The following IBTK variants were observed in gnomAD, a reference collection of about 807,000 sequenced individuals.
IBTK encodes inhibitor of Bruton tyrosine kinase, also known as BTK-binding protein.
In IBTK, 83 loss-of-function variants were observed where a neutral mutation model predicts 154.9. That is an observed-to-expected ratio of 0.54 (90% confidence interval 0.45 to 0.64). The LOEUF (loss-of-function observed/expected upper bound fraction) is 0.64, where lower values mean the gene tolerates loss of function less well. IBTK is among the 30% of genes least tolerant of loss of function. The pLI, the probability that IBTK is intolerant of heterozygous loss-of-function variation, is 0.00. For synonymous variants in IBTK, 515 were observed against 536.1 expected (o/e 0.96, Z 0.54); for missense variants, 1,332 against 1,584.6 (o/e 0.84, Z 2.71).
At chr6:82,247,162 G>A (rs1291608183) in intron 1 of IBTK, among the ~76,000 whole-genome samples, 1 of 152,164 alleles carries the variant, frequency 6.6e-6, no homozygotes, top group African/African-American at 2.4e-5. Context: ...TCCCCAGGGT[G>A]GACTCAAACT....
intron 3 of IBTK, among the ~76,000 whole-genome samples, chr6:82,232,794 T>C (rs1315101552): frequency 3.3e-5 from 5 of 151,950 alleles, no homozygotes; most frequent in Admixed American, 2.6e-4. Context: ...GGAGGGAGGA[T>C]CACTGGAGTT....
intron 1 of IBTK, among the ~76,000 whole-genome samples, chr6:82,244,881 C>T (rs1474547862): frequency 2.6e-5 from 4 of 151,586 alleles, no homozygotes; most frequent in African/African-American, 9.7e-5. Context: ...TGATGAGGTC[C>T]GTGCTATTTC....
intron 17 of IBTK, among the ~76,000 whole-genome samples, chr6:82,203,703 G>C (rs1242975376): frequency 1.3e-5 from 2 of 152,130 alleles, no homozygotes; most frequent in Non-Finnish European, 1.5e-5. Flanking sequence ...TGTGCAGCCA[G>C]AGCCATGAAA....
intron 16 of IBTK, 30 bp downstream of exon 16, chr6:82,210,784 T>C: frequency 3.2e-6 from 3 of 930,114 alleles, no homozygotes; most frequent in Non-Finnish European, 3.2e-6. Context: ...ATATGTGAAG[T>C]ATCTACAATG....
intron 22 of IBTK, among the ~76,000 whole-genome samples, chr6:82,195,610 C>T (rs534634494): frequency 6.6e-6 from 1 of 152,004 alleles, no homozygotes; most frequent in South Asian, 2.1e-4. Context: ...ATCCTTGAGG[C>T]CTAAAAGACT....
intron 12 of IBTK, among the ~76,000 whole-genome samples, chr6:82,213,033 CT>C (rs11367840): frequency 0.24 from 34,529 of 146,210 alleles, 3,904 homozygotes; most frequent in African/African-American, 0.28. Flanking sequence ...AAAGTTTTTC[CT>C]TTTTTTTTTT....
At chr6:82,238,584 T>C (rs1275873909) in intron 2 of IBTK, among the ~76,000 whole-genome samples, 1 of 151,896 alleles carries the variant, frequency 6.6e-6, no homozygotes, top group Non-Finnish European at 1.5e-5. Context: ...ATTACAGGCA[T>C]GTGCCACCAC....
At chr6:82,182,978 G>T (rs1768373933) in intron 25 of IBTK, among the ~76,000 whole-genome samples, 1 of 152,152 alleles carries the variant, frequency 6.6e-6, no homozygotes, top group African/African-American at 2.4e-5. Context: ...CTGAGTCAGA[G>T]GCATTCAGCT....
At chr6:82,201,153 T>C (rs1324174221) in intron 19 of IBTK, among the ~76,000 whole-genome samples, 1 of 152,150 alleles carries the variant, frequency 6.6e-6, no homozygotes, top group Non-Finnish European at 1.5e-5. Flanking sequence ...GGTCCTGACC[T>C]CTGGTAAATA....
chr6:82,220,759 TAC>T, intron 8 of IBTK, 46 bp from the exon 9 acceptor site: 1 of 1,406,254 alleles, frequency 7.1e-7, no homozygotes, highest in Non-Finnish European at 9.5e-7. Context: ...TTCTCTAAAC[TAC>T]ACATGCCTAA....
chr6:82,214,959 T>C, intron 11 of IBTK, 130 bp from the exon 12 acceptor site: 1 of 912,506 alleles, frequency 1.1e-6, no homozygotes, highest in Non-Finnish European at 1.6e-6. Flanking sequence ...TGGCATTTCC[T>C]AAAATACAAG....
At chr6:82,234,400 G>A (rs752037194) in intron 2 of IBTK, 145 bp from the exon 3 acceptor site, 25 of 225,198 alleles carry the variant, frequency 1.1e-4, no homozygotes, top group Admixed American at 1.7e-4. Flanking sequence ...ATGCAATGGC[G>A]CAATCTTGGC....
chr6:82,217,991 A>G lies in IBTK; in HGVS notation c.1395T>C (p.Phe465=). 1 of 1,606,060 alleles carries G rather than the reference A, an allele frequency of 6.2e-7. No homozygotes were observed. The highest frequency in any genetic ancestry group is 8.5e-7 in the Non-Finnish European group (1 of 1,177,280). The change falls in exon 10 of 29, where the codon TTT becomes TTC. Residue 465 remains phenylalanine (F), a synonymous_variant. Coordinates refer to ENST00000306270, the MANE Select transcript of IBTK (RefSeq NM_015525.4). ...QDGEGFRGRW[F]EEKRKSSEKK... ...TTTCAGAACTCTTTCTTTTCTCTTCAAACCATCTCCCTCTAAATCCTTCTC... is the reference window on the plus strand; with the variant it reads ...TTTCAGAACTCTTTCTTTTCTCTTCGAACCATCTCCCTCTAAATCCTTCTC...
rs1767901695 is a variant in IBTK, at chr6:82,170,667, T to C, written c.*758A>G. 1 of 152,176 alleles carries C rather than the reference T, an allele frequency of 6.6e-6. No homozygotes were observed. The highest frequency in any genetic ancestry group is 2.4e-5 in the African/African-American group (1 of 41,444). 9.4% of individuals were successfully genotyped at this position (152,176 alleles called of 1,614,324 possible). On this transcript the variant is annotated 3_prime_UTR_variant, in exon 29 of 29. Coordinates refer to ENST00000306270, the MANE Select transcript of IBTK (RefSeq NM_015525.4). The stretch of plus-strand genomic sequence containing the variant: ...AATTTTAACACTTTCAGCAATTGAT[T>C]CTCTCACAATTAGGCATTTTTAAGA...
At chr6:82,246,118 C>G (rs1473285814) in intron 1 of IBTK, among the ~76,000 whole-genome samples, 1 of 152,128 alleles carries the variant, frequency 6.6e-6, no homozygotes, top group Non-Finnish European at 1.5e-5. Flanking sequence ...TGCTCTTGAT[C>G]CCACCTATTC....
At chr6:82,227,940 CT>C (rs1466920805) in intron 4 of IBTK, among the ~76,000 whole-genome samples, 12 of 151,818 alleles carry the variant, frequency 7.9e-5, no homozygotes, top group African/African-American at 2.4e-4. Context: ...TCCCTTGCCC[CT>C]GATACACAGA....
chr6:82,193,758 T>C (rs902604050), intron 23 of IBTK, among the ~76,000 whole-genome samples: 4 of 152,150 alleles, frequency 2.6e-5, no homozygotes, highest in African/African-American at 9.7e-5. Flanking sequence ...CTGGGCTCAC[T>C]GTAACCTCCG....
At position 82,186,637 on chromosome 6, in the gene IBTK, T is replaced by C. The variant is rs549824000; in HGVS notation, c.3575+4436A>G. ...GCAGTATCTCCAAAGTATGCCTGTA[T>C]AGTCTTAAAAAGAGCATAAATTACT... is the stretch of plus-strand genomic sequence containing the variant. On this transcript the variant is annotated intron_variant, in intron 25 of 28. Coordinates refer to ENST00000306270, the MANE Select transcript of IBTK (RefSeq NM_015525.4). Among the ~76,000 whole-genome samples, 59 of 152,264 alleles carry C rather than the reference T, an allele frequency of 3.9e-4. No homozygotes were observed. The Middle Eastern group carries it at 0.01, about 26-fold the overall frequency.
intron 1 of IBTK, 124 bp from the exon 2 acceptor site, chr6:82,240,967 T>G: frequency 2.5e-6 from 1 of 394,672 alleles, no homozygotes; most frequent in Non-Finnish European, 4.5e-6. Context: ...AGTGTTCCAT[T>G]ACTGGAACAC....
Sources: allele counts gnomAD v4.1 joint callset (sites outside exome capture counted in the v4.1 genomes callset), GRCh38; gene constraint gnomAD v4.1.1; transcripts MANE v1.5; gene names NCBI Gene and HGNC (gene_info 2026-07-23, HGNC 2026-07-21).